The following WDR91 variants were observed in gnomAD, a reference collection of about 807,000 sequenced individuals.
WDR91 encodes the protein WD repeat domain 91, also known as WD repeat-containing protein 91.
In WDR91, 52 loss-of-function variants were observed where a neutral mutation model predicts 88.4. The ratio of observed to expected loss-of-function variants is 0.59; its 90% CI spans 0.47 to 0.74. The LOEUF (loss-of-function observed/expected upper bound fraction) is 0.74, where lower values mean the gene tolerates loss of function less well. WDR91 is among the 30% of genes least tolerant of loss of function. WDR91 has a pLI of 0.00. For synonymous variants in WDR91, 362 were observed against 389.5 expected (o/e 0.93, Z 0.83); for missense variants, 824 against 954.5 (o/e 0.86, Z 1.80).
chr7:135,189,461 A>G lies in WDR91; in HGVS notation c.1660-9T>C. 6.2e-7 allele frequency: 1 copy of G among 1,611,804 alleles called. No individual in the cohort carries two copies. Among genetic ancestry groups the G allele is most frequent in the Non-Finnish European group, 8.5e-7 (1 of 1,178,070 alleles). On this transcript the variant is annotated splice_polypyrimidine_tract_variant and intron_variant, in intron 11 of 14. Coordinates refer to ENST00000354475, the MANE Select transcript of WDR91 (RefSeq NM_014149.4). The stretch of plus-strand genomic sequence containing the variant: ...TCCAGGGAGAACTGGAGCTATTGAA[A>G]TAAAACAAAAATGTCAGTAGCAGAT...
At chr7:135,188,291 A>G in intron 13 of WDR91, 142 bp downstream of exon 13, 1 of 633,692 alleles carries the variant, frequency 1.6e-6, no homozygotes. Flanking sequence ...AAGACGAATT[A>G]CTAGTTTATC....
Position 135,198,204 on chromosome 7 carries a change from A to T in WDR91, c.892-53T>A, listed in dbSNP as rs560869996. On this transcript the variant is annotated intron_variant, in intron 6 of 14. Transcript: ENST00000354475. ...TCTCTTCCCATCTGCCCAGGCCATG[A>T]TAAGCATGCCAGGAGTGGTCAGCCC... 6.7e-5 allele frequency: 106 copies of T among 1,580,424 alleles called. No homozygotes were observed. The African/African-American group carries it at 1.3e-3, about 20-fold the overall frequency.
At chr7:135,199,143 T>A (rs1831480128) in intron 6 of WDR91, 1 of 152,240 alleles carries the variant, frequency 6.6e-6, no homozygotes, top group South Asian at 2.1e-4. Flanking sequence ...CTACTTGTTA[T>A]TTTTTATGTC....
Position 135,206,075 on chromosome 7 carries a change from C to G in WDR91, c.595-17G>C, listed in dbSNP as rs1040625795. The G allele has an allele frequency of 6.2e-7, 1 of 1,613,968 alleles. No individual in the cohort carries two copies. The highest frequency in any genetic ancestry group is 1.7e-5 in the Admixed American group (1 of 59,998). On this transcript the variant is annotated splice_polypyrimidine_tract_variant and intron_variant, in intron 4 of 14. Coordinates refer to ENST00000354475, the MANE Select transcript of WDR91 (RefSeq NM_014149.4). ...TGCAAAAAGCTATACAGGGGTGGGA[C>G]TGAGTTAGCCAATGATCTCACCTAA...
At position 135,186,322 on chromosome 7, in the gene WDR91, G is replaced by A. The variant is rs1830939060; in HGVS notation, c.2080-7C>T. The stretch of plus-strand genomic sequence containing the variant: ...CCTTCTCATCGCCACCCAGCTGCAA[G>A]AGGACAGGAAAGAGGAGGAGGTGTC... On this transcript the variant is annotated splice_region_variant and splice_polypyrimidine_tract_variant and intron_variant, in intron 14 of 14. Coordinates refer to ENST00000354475, the MANE Select transcript of WDR91 (RefSeq NM_014149.4). 1 of 1,611,008 alleles carries A rather than the reference G, an allele frequency of 6.2e-7. No individual in the cohort carries two copies.
In WDR91 at chr7:135,207,186, C is replaced by A; in HGVS notation, c.528G>T (p.Leu176=). The A allele has an allele frequency of 6.2e-7, 1 of 1,606,056 alleles. No homozygotes were observed. Among genetic ancestry groups the A allele is most frequent in the South Asian group, 1.1e-5 (1 of 90,920 alleles). The part of the protein sequence containing the change: ...LFQCMPVPVI[L]NFDAECQRTN... Reference sequence around the variant, plus strand: ...TCCTCTGACACTCCGCATCAAAGTTCAGGATCACAGGGACTGGTGCACGAA... The same window carrying A: ...TCCTCTGACACTCCGCATCAAAGTTAAGGATCACAGGGACTGGTGCACGAA... Residue 176 remains leucine (L), a synonymous_variant, in exon 4 of 15, where the codon CTG becomes CTT. Transcript: ENST00000354475.
chr7:135,204,542 A>G, intron 5 of WDR91, 109 bp from the exon 6 acceptor site: 2 of 1,200,150 alleles, frequency 1.7e-6, no homozygotes, highest in Non-Finnish European at 1.2e-6. Flanking sequence ...GGCCTGGGTC[A>G]GGTCCAAGAG....
At position 135,196,485 on chromosome 7, in the gene WDR91, T is replaced by G. The variant is rs1831379642; in HGVS notation, c.1051-148A>C. ...AGAGGAGAGCTCTGACCTGCGAGGG[T>G]AGTGCTCAGCTCACCCTGGGAGAGT... On this transcript the variant is annotated intron_variant, in intron 7 of 14. Coordinates refer to ENST00000354475, the MANE Select transcript of WDR91 (RefSeq NM_014149.4). This position sits in a 1 kb window ranked among gnomAD's most constrained non-coding sequence, Gnocchi z 4.2. 8.1e-6 allele frequency: 6 copies of G among 741,288 alleles called. No homozygotes were observed. In the South Asian group the frequency reaches 1.5e-4, roughly 19 times the overall value. The allele number at this position is 741,288 out of a possible 1,614,324, so 45.9% of individuals were successfully genotyped here. A position where few individuals can be genotyped will look rare whatever the true frequency, so the allele number is the denominator to read the frequency against.
At position 135,184,902 on chromosome 7, in the gene WDR91, T is replaced by C. The variant is rs1830879472; in HGVS notation, c.*1249A>G. ...AATGCTCCATAACCCAAAACTTTTT[T>C]TTTTTTTGAGTTGGGTTCTCCCAGT... On this transcript the variant is annotated 3_prime_UTR_variant, in exon 15 of 15. Coordinates refer to ENST00000354475, the MANE Select transcript of WDR91 (RefSeq NM_014149.4). The C allele has an allele frequency of 6.6e-6, 1 of 152,174 alleles. No individual in the cohort carries two copies. The highest frequency in any genetic ancestry group is 1.5e-5 in the Non-Finnish European group (1 of 68,028). 9.4% of individuals were successfully genotyped at this position (152,174 alleles called of 1,614,324 possible).
chr7:135,206,409 TG>T (rs200164096), intron 4 of WDR91, among the ~76,000 whole-genome samples: 11,364 of 49,768 alleles, frequency 0.23, 524 homozygotes, highest in Middle Eastern at 0.41. Context: ...GACTCTGGAA[TG>T]GAAAAAAAAA....
rs1445602661 is a variant in WDR91, at chr7:135,189,351, C to T, written c.1761G>A (p.Arg587=). Residue 587 remains arginine, a synonymous_variant, in exon 12 of 15, where the codon CGG becomes CGA. Coordinates refer to ENST00000354475, the MANE Select transcript of WDR91 (RefSeq NM_014149.4). The part of the protein sequence containing the change: ...LVTGAADGVI[R]LFDMQQHECA... ...ATGAGCACACTTGCATACCAAACAG[C>T]CGGATGACGCCATCAGCTGCCCCTG... 3.2e-5 allele frequency: 51 copies of T among 1,613,470 alleles called. No individual in the cohort carries two copies. Among genetic ancestry groups the T allele is most frequent in the Non-Finnish European group, 4.3e-5 (51 of 1,179,716 alleles).
intron 6 of WDR91, 31 bp downstream of exon 6, chr7:135,204,237 C>T: frequency 6.2e-7 from 1 of 1,606,398 alleles, no homozygotes. Flanking sequence ...GCCTTCTTGG[C>T]CAGAGTTAGA....
intron 6 of WDR91, among the ~76,000 whole-genome samples, chr7:135,203,993 G>A (rs1454746839): frequency 6.6e-6 from 1 of 152,212 alleles, no homozygotes; most frequent in African/African-American, 2.4e-5. Context: ...CGGGGAGCCA[G>A]AATGCATTCG....
At position 135,196,012 on chromosome 7, in the gene WDR91, T is replaced by C. The variant is rs1382621317; in HGVS notation, c.1244+132A>G. 2 of 852,470 alleles carry C rather than the reference T, an allele frequency of 2.3e-6. No homozygotes were observed. The highest frequency in any genetic ancestry group is 3.4e-6 in the Non-Finnish European group (2 of 590,652). The allele number at this position is 852,470 out of a possible 1,614,324, so 52.8% of individuals were successfully genotyped here. A position where few individuals can be genotyped will look rare whatever the true frequency, so the allele number is the denominator to read the frequency against. ...CACTGGCAGCTCCAACCGACTCCCA[T>C]GACTCTACTGCCATGACTGTGGCCC... is the stretch of plus-strand genomic sequence containing the variant. On this transcript the variant is annotated intron_variant, in intron 8 of 14. Coordinates refer to ENST00000354475, the MANE Select transcript of WDR91 (RefSeq NM_014149.4). The surrounding 1 kb of genome is among the most constrained non-coding windows in gnomAD (Gnocchi z 4.2).
In WDR91 at chr7:135,193,223, G is replaced by A; in HGVS notation, c.1659+8C>T. On this transcript the variant is annotated splice_region_variant and intron_variant, in intron 11 of 14. Coordinates refer to ENST00000354475, the MANE Select transcript of WDR91 (RefSeq NM_014149.4). ...GGCCCCAGAGAGAGCCACAGGGCAGGCCCGTACCTGCTGCTTCATGGTTTT... is the reference window on the plus strand; with the variant it reads ...GGCCCCAGAGAGAGCCACAGGGCAGACCCGTACCTGCTGCTTCATGGTTTT... The A allele has an allele frequency of 6.2e-7, 1 of 1,613,138 alleles. No individual in the cohort carries two copies. The highest frequency in any genetic ancestry group is 8.5e-7 in the Non-Finnish European group (1 of 1,179,934).
intron 7 of WDR91, chr7:135,197,757 A>G (rs921780715): frequency 2.2e-5 from 11 of 494,950 alleles, no homozygotes; most frequent in African/African-American, 7.7e-5. Context: ...GAGCACTTCT[A>G]GAGGCCTGCA....
rs1445347791 is a variant in WDR91 at position 135,195,033 on chromosome 7, G to A, written c.1296C>T (p.Ile432=). The A allele has an allele frequency of 1.2e-6, 2 of 1,614,120 alleles. No homozygotes were observed. The highest frequency in any genetic ancestry group is 1.1e-5 in the South Asian group (1 of 91,072). ...RVASLDVDGV[I]KVWSFNPIMQ... is the part of the protein sequence containing the mutation. The stretch of plus-strand genomic sequence containing the variant: ...TGATGGGGTTGAAGGACCACACTTT[G>A]ATGACCCCATCTACGTCTAAGCTGG... Residue 432 remains isoleucine (I), a synonymous_variant, in exon 9 of 15, where the codon ATC becomes ATT. Coordinates refer to ENST00000354475, the MANE Select transcript of WDR91 (RefSeq NM_014149.4).
intron 7 of WDR91, 96 bp downstream of exon 7, chr7:135,197,897 G>A: frequency 6.9e-7 from 1 of 1,448,670 alleles, no homozygotes; most frequent in South Asian, 1.3e-5. Context: ...ACTCTGCACA[G>A]CTGCAGAACT....
At chr7:135,206,183 G>T in intron 4 of WDR91, 125 bp from the exon 5 acceptor site, 1 of 1,253,400 alleles carries the variant, frequency 8.0e-7, no homozygotes, top group Non-Finnish European at 1.1e-6. Flanking sequence ...GCGTCAAGGG[G>T]CCCATCTCAC....
Sources: gnomAD v4.1 joint callset for allele counts (sites outside exome capture counted in the v4.1 genomes callset) on GRCh38, gnomAD v4.1.1 for gene constraint, Gnocchi (gnomAD v3.1) non-coding constraint, MANE v1.5 for transcripts, NCBI Gene and HGNC (gene_info 2026-07-23, HGNC 2026-07-21) for gene names.